The following CDC73 variants were observed in gnomAD, a reference collection of about 807,000 sequenced individuals.
CDC73 encodes the protein cell division cycle 73, also known as parafibromin.
In CDC73, 21 loss-of-function variants were observed where a neutral mutation model predicts 83.7. That is an observed-to-expected ratio of 0.25 (90% CI 0.18 to 0.36). The LOEUF is 0.36. Ranked by LOEUF, CDC73 falls within the 10% of genes least tolerant of loss-of-function variation. CDC73 has a pLI of 1.00. For missense variants in CDC73, 342 were observed against 653.3 expected, an observed-to-expected ratio of 0.52 and a Z score of 5.19; for synonymous variants, 224 against 212.9, an observed-to-expected ratio of 1.05 and a Z score of -0.45.
chr1:193,173,481 A>G (rs1676553655), intron 10 of CDC73, among the ~76,000 whole-genome samples: 2 of 152,206 alleles, frequency 1.3e-5, no homozygotes, highest in Non-Finnish European at 1.5e-5. Flanking sequence ...CCACAGTGCC[A>G]TTGTATACAA....
chr1:193,146,810 G>C (rs1227348450), intron 7 of CDC73, among the ~76,000 whole-genome samples: 2 of 152,200 alleles, frequency 1.3e-5, no homozygotes, highest in Non-Finnish European at 2.9e-5. Context: ...GTGAGTTGAA[G>C]AGCATTTGTA....
At chr1:193,212,543 T>G in intron 13 of CDC73, 66 bp downstream of exon 13, 1 of 1,051,608 alleles carries the variant, frequency 9.5e-7, no homozygotes. Flanking sequence ...TAGTAGTTAC[T>G]GAATCAGTAT....
chr1:193,232,917 T>C (rs1677685866), intron 13 of CDC73, 76 bp from the exon 14 acceptor site: 1 of 1,322,910 alleles, frequency 7.6e-7, no homozygotes, highest in African/African-American at 1.5e-5. Flanking sequence ...AAAAAAAATA[T>C]TTCAAATTAT....
chr1:193,240,799 T>C (rs1380331002), intron 15 of CDC73, among the ~76,000 whole-genome samples: 1 of 152,216 alleles, frequency 6.6e-6, no homozygotes, highest in Non-Finnish European at 1.5e-5. Flanking sequence ...TTCTTCACAT[T>C]GTTTATTGTT....
chr1:193,169,799 CT>C (rs1007715967), intron 10 of CDC73, among the ~76,000 whole-genome samples: 11 of 148,054 alleles, frequency 7.4e-5, no homozygotes, highest in Non-Finnish European at 1.1e-4. Flanking sequence ...AATTTTATTT[CT>C]TTTTTTTTTA....
intron 10 of CDC73, among the ~76,000 whole-genome samples, chr1:193,154,090 A>T (rs116082867): frequency 2.0e-5 from 3 of 152,314 alleles, no homozygotes; most frequent in African/African-American, 7.2e-5. Context: ...TTAAATTCTT[A>T]TGTGATTTGG....
At chr1:193,216,860 A>T (rs1395454900) in intron 13 of CDC73, among the ~76,000 whole-genome samples, 1 of 152,196 alleles carries the variant, frequency 6.6e-6, no homozygotes, top group African/African-American at 2.4e-5. Context: ...ATCTCAGTAG[A>T]TGCAGAAAAG....
At chr1:193,215,592 G>GTTTT (rs780470013) in intron 13 of CDC73, among the ~76,000 whole-genome samples, 1 of 141,418 alleles carries the variant, frequency 7.1e-6, no homozygotes, top group Non-Finnish European at 1.6e-5. Flanking sequence ...ATTAACACAG[G>GTTTT]TTTTTTTTTT....
chr1:193,192,083 C>A lies in CDC73; in HGVS notation c.973-11712C>A, dbSNP rs574092016. Among the ~76,000 whole-genome samples, 3 of 152,236 alleles carry A rather than the reference C, an allele frequency of 2.0e-5. No individual in the cohort carries two copies. The South Asian group carries it at 6.2e-4, about 32-fold the overall frequency. ...AAAACTTTGCAAAGAGGCATAGTTA[C>A]CCTAATATAAATTATTAGTATCAGA... is the stretch of plus-strand genomic sequence containing the variant. On this transcript the variant is annotated intron_variant, in intron 10 of 16. Transcript: ENST00000367435.
At chr1:193,158,082 TTTA>T (rs1676238343) in intron 10 of CDC73, among the ~76,000 whole-genome samples, 2 of 151,050 alleles carry the variant, frequency 1.3e-5, no homozygotes, top group African/African-American at 2.4e-5. Flanking sequence ...GTACTTATAA[TTTA>T]TTATATTTAT....
intron 15 of CDC73, among the ~76,000 whole-genome samples, chr1:193,243,297 GAAAGA>G (rs1677894782): frequency 6.6e-6 from 1 of 151,944 alleles, no homozygotes; most frequent in Admixed American, 6.6e-5. Flanking sequence ...TTCTGAATAG[GAAAGA>G]TTTTTTTTAA....
chr1:193,214,362 T>C (rs932816711), intron 13 of CDC73, among the ~76,000 whole-genome samples: 2 of 152,214 alleles, frequency 1.3e-5, no homozygotes, highest in African/African-American at 2.4e-5. Context: ...GTCTGCCAAA[T>C]GTAGCAAATT....
At chr1:193,167,827 A>G (rs1432193850) in intron 10 of CDC73, among the ~76,000 whole-genome samples, 4 of 151,834 alleles carry the variant, frequency 2.6e-5, no homozygotes, top group Non-Finnish European at 5.9e-5. Context: ...ATCTGATTTT[A>G]TTGTACATTA....
chr1:193,145,211 A>T (rs898470775), intron 7 of CDC73, among the ~76,000 whole-genome samples: 10 of 152,208 alleles, frequency 6.6e-5, no homozygotes, highest in Non-Finnish European at 7.4e-5. Flanking sequence ...GATGGATTTT[A>T]AAGTACCTAT....
chr1:193,182,208 C>T (rs1180147265), intron 10 of CDC73, among the ~76,000 whole-genome samples: 2 of 152,050 alleles, frequency 1.3e-5, no homozygotes, highest in Non-Finnish European at 2.9e-5. Flanking sequence ...TGGCATGTTT[C>T]CATTGGCCCC....
At chr1:193,223,175 G>A (rs958211107) in intron 13 of CDC73, among the ~76,000 whole-genome samples, 1 of 151,816 alleles carries the variant, frequency 6.6e-6, no homozygotes, top group African/African-American at 2.4e-5. Flanking sequence ...TCCTTTGAAT[G>A]TTGTTTCATA....
intron 15 of CDC73, among the ~76,000 whole-genome samples, chr1:193,239,135 C>T (rs769706536): frequency 1.2e-4 from 18 of 152,188 alleles, no homozygotes; most frequent in African/African-American, 1.7e-4. Flanking sequence ...GATAACTTCT[C>T]TGTGATATCT....
At chr1:193,216,701 GT>G (rs1001036268) in intron 13 of CDC73, among the ~76,000 whole-genome samples, 5 of 151,546 alleles carry the variant, frequency 3.3e-5, no homozygotes, top group African/African-American at 1.2e-4. Context: ...AATCAACAAA[GT>G]ATTAGAAAAT....
chr1:193,191,080 CATT>C (rs1008546041), intron 10 of CDC73, among the ~76,000 whole-genome samples: 7 of 152,262 alleles, frequency 4.6e-5, no homozygotes, highest in East Asian at 1.9e-4. Context: ...AAATTTAAAA[CATT>C]GTTGGAACAT....
Sources: gnomAD v4.1 joint callset for allele counts (sites outside exome capture counted in the v4.1 genomes callset) on GRCh38, gnomAD v4.1.1 for gene constraint, MANE v1.5 for transcripts, NCBI Gene and HGNC (gene_info 2026-07-23, HGNC 2026-07-21) for gene names.